Variants in WDR73 observed in about 807,000 individuals in gnomAD.
WDR73 encodes the protein WD repeat domain 73, also known as integrator complex assembly factor WDR73.
A neutral mutation model predicts 38.2 loss-of-function variants in WDR73; 30 were observed. The observed-to-expected ratio is 0.79, with a 90% CI of 0.59 to 1.06. WDR73 has a LOEUF of 1.06. Ranked by LOEUF, WDR73 falls within the 50% of genes least tolerant of loss-of-function variation. WDR73 has a pLI of 0.00. For missense variants in WDR73, 487 were observed against 467.0 expected, an observed-to-expected ratio of 1.04 and a Z score of -0.40; for synonymous variants, 197 against 176.0, an observed-to-expected ratio of 1.12 and a Z score of -0.94.
At chr15:84,649,634 T>A (rs1286420458) in intron 3 of WDR73, among the ~76,000 whole-genome samples, 1 of 151,978 alleles carries the variant, frequency 6.6e-6, no homozygotes, top group African/African-American at 2.4e-5. Context: ...CACACCCAGT[T>A]AATTTTTGTA....
chr15:84,646,151 G>A (rs2141837640), intron 6 of WDR73, 33 bp downstream of exon 6: 1 of 1,612,746 alleles, frequency 6.2e-7, no homozygotes, highest in Non-Finnish European at 8.5e-7. Context: ...ATGCCGGCTG[G>A]AGCAGCAAGC....
chr15:84,645,808 G>T lies in WDR73; in HGVS notation c.546C>A (p.Ser182Arg). Reference sequence around the variant, plus strand: ...AGGTGTCTGCATCTAGGACCTGCAGGCTACTCAGCTCCTCACTGTCACTGA... The same window carrying T: ...AGGTGTCTGCATCTAGGACCTGCAGTCTACTCAGCTCCTCACTGTCACTGA... ...SDVSDSEELSSLQVLDADTFA... is the reference protein window; with the variant it reads ...SDVSDSEELSRLQVLDADTFA... The change falls in exon 7 of 8, where the codon AGC (serine) becomes AGA (arginine). Residue 182 changes from serine (S) to arginine (R), a missense_variant. Physicochemically the swap from Ser to Arg is moderately radical, Grantham distance 110 (BLOSUM62 -1). Transcript: ENST00000434634. The T allele has an allele frequency of 6.2e-7, 1 of 1,613,832 alleles. No individual in the cohort carries two copies. The highest frequency in any genetic ancestry group is 8.5e-7 in the Non-Finnish European group (1 of 1,179,824).
intron 3 of WDR73, among the ~76,000 whole-genome samples, chr15:84,649,661 G>C (rs997960691): frequency 1.3e-5 from 2 of 151,988 alleles, no homozygotes; most frequent in Admixed American, 1.3e-4. Flanking sequence ...GTAGAGACAG[G>C]GTTTTGCCAT....
chr15:84,650,183 T>C (rs74249895), intron 3 of WDR73, among the ~76,000 whole-genome samples: 2 of 151,996 alleles, frequency 1.3e-5, no homozygotes, highest in East Asian at 3.9e-4. Flanking sequence ...TAAGATAAAT[T>C]TATTTACTTA....
In WDR73 at chr15:84,645,656, C is replaced by T. The variant is rs761109761; in HGVS notation, c.698G>A (p.Trp233Ter). The change falls in exon 7 of 8, where the codon TGG becomes TAG. Residue 233 changes from tryptophan to a stop codon, truncating the protein, a stop_gained. Transcript: ENST00000434634. LOFTEE classifies it high-confidence loss of function. ...AATGCTGGGCCCAGGGCCCTGGCCCCAGCTCCCAACTTCAGCACACCATCT... is the reference window on the plus strand; with the variant it reads ...AATGCTGGGCCCAGGGCCCTGGCCCTAGCTCCCAACTTCAGCACACCATCT... ...GERWCAEVGS[W>*]GQGPGPSIAS... 2.5e-6 allele frequency: 4 copies of T among 1,608,330 alleles called. No homozygotes were observed. The highest frequency in any genetic ancestry group is 3.4e-6 in the Non-Finnish European group (4 of 1,177,596).
At chr15:84,651,675 T>C (rs1896629166) in intron 3 of WDR73, among the ~76,000 whole-genome samples, 1 of 152,214 alleles carries the variant, frequency 6.6e-6, no homozygotes, top group Admixed American at 6.5e-5. Flanking sequence ...CAAGCCTCTG[T>C]GTTTAGGAAA....
intron 3 of WDR73, among the ~76,000 whole-genome samples, chr15:84,651,709 G>A (rs546497520): frequency 3.0e-3 from 461 of 152,158 alleles, no homozygotes; most frequent in Non-Finnish European, 4.7e-3. Flanking sequence ...CTGTGTTTCC[G>A]ACTAGTTGCT....
chr15:84,651,747 C>T (rs560868665), intron 3 of WDR73, among the ~76,000 whole-genome samples: 38 of 152,318 alleles, frequency 2.5e-4, no homozygotes, highest in African/African-American at 8.4e-4. Flanking sequence ...CCCTACATTT[C>T]GTGACTCTGC....
At position 84,643,546 on chromosome 15, in the gene WDR73, G is replaced by A. The variant is rs763971326; in HGVS notation, c.1061C>T (p.Pro354Leu). The change falls in exon 8 of 8, where the codon CCA becomes CTA. Residue 354 changes from proline (P) to leucine (L), a missense_variant. By Grantham distance (98) the Pro-to-Leu change is moderately conservative. Transcript: ENST00000434634. ...VTTHTWHPCR[P>L]RTLLSATNDA... ...ATTTGTTGCTGATAACAAAGTCCTT[G>A]GTCTGCAGGGATGCCAGGTGTGGGT... is the stretch of plus-strand genomic sequence containing the variant. 2 of 1,608,156 alleles carry A rather than the reference G, an allele frequency of 1.2e-6. No individual in the cohort carries two copies. The highest frequency in any genetic ancestry group is 2.2e-5 in the South Asian group (2 of 89,740).
chr15:84,645,508 A>G lies in WDR73; in HGVS notation c.846T>C (p.Thr282=), dbSNP rs770863343. The G allele has an allele frequency of 3.1e-6, 5 of 1,612,386 alleles. No homozygotes were observed. The highest frequency in any genetic ancestry group is 4.2e-6 in the Non-Finnish European group (5 of 1,179,184). The stretch of plus-strand genomic sequence containing the variant: ...AGCAATTCTTCAGGCCTGGGGCCCA[A>G]GTCACTCGCAGCAGCTCTGGGTCAG... ...PSPDPELLRV[T]WAPGLKNCLA... Residue 282 remains threonine, a synonymous_variant, in exon 7 of 8, where the codon ACT becomes ACC. Transcript: ENST00000434634.
At position 84,645,574 on chromosome 15, in the gene WDR73, A is replaced by T. The variant is rs754019202; in HGVS notation, c.780T>A (p.His260Gln). 26 of 1,611,736 alleles carry T rather than the reference A, an allele frequency of 1.6e-5. No homozygotes were observed. The South Asian group carries it at 2.9e-4, about 18-fold the overall frequency. ...CTGGGCACTGGACTGAGCTCACAGGATGGCAGAGATCCCGGGGGTCAAGAA... is the reference window on the plus strand; with the variant it reads ...CTGGGCACTGGACTGAGCTCACAGGTTGGCAGAGATCCCGGGGGTCAAGAA... ...LCLLDPRDLC[H>Q]PVSSVQCPVS... Residue 260 changes from histidine to glutamine, a missense_variant, in exon 7 of 8, where the codon CAT becomes CAA. Transcript: ENST00000434634.
chr15:84,650,506 G>A (rs1896588828), intron 3 of WDR73, among the ~76,000 whole-genome samples: 2 of 151,832 alleles, frequency 1.3e-5, no homozygotes, highest in South Asian at 2.1e-4. Context: ...TACTACAGGC[G>A]CATGCCACCA....
Position 84,645,741 on chromosome 15 carries a change from T to G in WDR73, c.613A>C (p.Thr205Pro), listed in dbSNP as rs1462152293. ...TCCAACGGTGCCCACTTCTGCCGGG[T>G]GTCAACAAGCCCCAGCCGGCCTGAA... Reference protein sequence around the residue: ...CASGRLGLVDTRQKWAPLENR... With the variant: ...CASGRLGLVDPRQKWAPLENR... Residue 205 changes from threonine to proline, a missense_variant, in exon 7 of 8, where the codon ACC becomes CCC. Coordinates refer to ENST00000434634, the MANE Select transcript of WDR73 (RefSeq NM_032856.5). The G allele has an allele frequency of 2.5e-6, 4 of 1,610,820 alleles. No individual in the cohort carries two copies. The highest frequency in any genetic ancestry group is 1.7e-6 in the Non-Finnish European group (2 of 1,178,574).
At chr15:84,653,738 C>T (rs886570559) in intron 1 of WDR73, 39 bp from the exon 2 acceptor site, 10 of 1,501,158 alleles carry the variant, frequency 6.7e-6, no homozygotes, top group African/African-American at 4.1e-5. Context: ...ATGCACAGCA[C>T]TTCACAGCTC....
In WDR73 at chr15:84,647,431, G is replaced by T. The variant is rs140407572; in HGVS notation, c.352+459C>A. On this transcript the variant is annotated intron_variant, in intron 5 of 7. Coordinates refer to ENST00000434634, the MANE Select transcript of WDR73 (RefSeq NM_032856.5). ...GCTCCATTTGGGGCTTGGATGCCAT[G>T]CTATGGTTGCTAATTCACCTTGTCT... is the stretch of plus-strand genomic sequence containing the variant. 561 of 165,992 alleles carry T rather than the reference G, an allele frequency of 3.4e-3. 7 individuals carry two copies. Among genetic ancestry groups the T allele is most frequent in the African/African-American group, 0.013 (528 of 41,804 alleles). 10.3% of individuals were successfully genotyped at this position (165,992 alleles called of 1,614,324 possible).
chr15:84,652,896 AG>A, intron 2 of WDR73, 94 bp from the exon 3 acceptor site: 1 of 697,350 alleles, frequency 1.4e-6, no homozygotes, highest in Non-Finnish European at 2.4e-6. Context: ...TTCACTGTGC[AG>A]CCTTGTATGG....
At position 84,643,130 on chromosome 15, in the gene WDR73, A is replaced by G. The variant is rs982392578; in HGVS notation, c.*340T>C. The G allele has an allele frequency of 1.9e-5, 4 of 210,424 alleles. No homozygotes were observed. The highest frequency in any genetic ancestry group is 7.0e-5 in the African/African-American group (3 of 43,160). 13.0% of individuals were successfully genotyped at this position (210,424 alleles called of 1,614,324 possible). A position where few individuals can be genotyped will look rare whatever the true frequency, so the allele number is the denominator to read the frequency against. ...CCCTCTACATTTTTTTCTTTAAAAAAATTCACAAAGCATGTTTATATTTGT... is the reference window on the plus strand; with the variant it reads ...CCCTCTACATTTTTTTCTTTAAAAAGATTCACAAAGCATGTTTATATTTGT... On this transcript the variant is annotated 3_prime_UTR_variant, in exon 8 of 8. Coordinates refer to ENST00000434634, the MANE Select transcript of WDR73 (RefSeq NM_032856.5).
intron 3 of WDR73, among the ~76,000 whole-genome samples, chr15:84,649,963 T>C (rs1448098903): frequency 6.6e-6 from 1 of 152,156 alleles, no homozygotes; most frequent in Non-Finnish European, 1.5e-5. Context: ...TTCAGTATGT[T>C]TGGGAAGTAT....
chr15:84,647,912 C>T lies in WDR73; in HGVS notation c.330G>A (p.Val110=), dbSNP rs1288690172. ...TSGLPGCYLQ[V]WQVAEDSDVI... ...CACCACTGTCCTCTGCAACCTGCCA[C>T]ACCTGCAGATAACAACCTGGAAGGC... Residue 110 remains valine (V), a synonymous_variant, in exon 5 of 8, where the codon GTG becomes GTA. Transcript: ENST00000434634. 1.9e-6 allele frequency: 3 copies of T among 1,614,036 alleles called. No individual in the cohort carries two copies. Among genetic ancestry groups the T allele is most frequent in the African/African-American group, 1.3e-5 (1 of 75,058 alleles).
Sources: gnomAD v4.1 joint callset for allele counts (sites outside exome capture counted in the v4.1 genomes callset) on GRCh38, gnomAD v4.1.1 for gene constraint, MANE v1.5 for transcripts, NCBI Gene and HGNC (gene_info 2026-07-23, HGNC 2026-07-21) for gene names.